Variants in FGGY observed in about 807,000 individuals in gnomAD.
FGGY encodes the protein FGGY carbohydrate kinase domain containing.
In FGGY, 72 loss-of-function variants were observed where a neutral mutation model predicts 71.3. The observed-to-expected ratio is 1.01, with a 90% CI of 0.84 to 1.23. The LOEUF is 1.23. FGGY is among the 50% of genes most tolerant of loss of function. The pLI, the probability that FGGY is intolerant of heterozygous loss-of-function variation, is 0.00. For missense variants in FGGY, 668 were observed against 682.3 expected (o/e 0.98, Z 0.23); for synonymous variants, 251 against 250.3 (o/e 1.00, Z -0.02).
At chr1:59,732,240 C>G (rs1451363938) in intron 14 of FGGY, among the ~76,000 whole-genome samples, 1 of 152,170 alleles carries the variant, frequency 6.6e-6, no homozygotes, top group Non-Finnish European at 1.5e-5. Context: ...TTTAAATTCT[C>G]TCCCCGCCAT....
chr1:59,640,277 C>G (rs1444323016), intron 11 of FGGY, among the ~76,000 whole-genome samples: 2 of 152,154 alleles, frequency 1.3e-5, no homozygotes, highest in African/African-American at 4.8e-5. Flanking sequence ...CAATTCTGAG[C>G]TAAACACTTC....
chr1:59,376,502 T>G (rs1430272475), intron 4 of FGGY, among the ~76,000 whole-genome samples: 1 of 152,206 alleles, frequency 6.6e-6, no homozygotes, highest in Non-Finnish European at 1.5e-5. Flanking sequence ...AGAATTCTGA[T>G]AAAGGCCAGT....
chr1:59,550,530 A>G (rs1290771502), intron 7 of FGGY, among the ~76,000 whole-genome samples: 4 of 152,070 alleles, frequency 2.6e-5, no homozygotes, highest in Non-Finnish European at 4.4e-5. Flanking sequence ...CAATATATAT[A>G]ATTTTAGGTA....
chr1:59,467,507 A>AC (rs2092705468), intron 6 of FGGY, among the ~76,000 whole-genome samples: 1 of 152,004 alleles, frequency 6.6e-6, no homozygotes, highest in South Asian at 2.1e-4. Flanking sequence ...TAAAAAAAAA[A>AC]CATACAAACC....
intron 6 of FGGY, among the ~76,000 whole-genome samples, chr1:59,482,962 T>C (rs1385287482): frequency 1.3e-5 from 2 of 152,144 alleles, no homozygotes; most frequent in African/African-American, 4.8e-5. Flanking sequence ...GGGGGGATTC[T>C]TAAAACACTG....
Position 59,369,456 on chromosome 1 carries a change from CCTCTGT to C in FGGY, c.466-9292_466-9287del, listed in dbSNP as rs2153265674. On this transcript the variant is annotated intron_variant, in intron 4 of 15. Transcript: ENST00000303721. ...ACCACAGCTCAAGGAGGCCTGCCTG[CCTCTGT>C]AGGCTCCACCTCTGGGGGCAGGGCA... is the stretch of plus-strand genomic sequence containing the variant. Among the ~76,000 whole-genome samples the C allele has an allele frequency of 2.0e-5, 3 of 152,334 alleles. No individual in the cohort carries two copies. The East Asian group carries it at 5.8e-4, about 29-fold the overall frequency.
chr1:59,350,810 T>C (rs2053128708), intron 4 of FGGY, among the ~76,000 whole-genome samples: 1 of 152,222 alleles, frequency 6.6e-6, no homozygotes, highest in Admixed American at 6.5e-5. Context: ...TTCCAGAAAC[T>C]GAAACATGGA....
intron 6 of FGGY, among the ~76,000 whole-genome samples, chr1:59,504,408 G>A (rs1490132008): frequency 6.6e-6 from 1 of 152,162 alleles, no homozygotes; most frequent in Non-Finnish European, 1.5e-5. Flanking sequence ...GGTGTCTGGT[G>A]CGTGGGGTTG....
intron 5 of FGGY, among the ~76,000 whole-genome samples, chr1:59,450,386 T>A (rs539056665): frequency 1.4e-5 from 2 of 145,178 alleles, no homozygotes; most frequent in Admixed American, 6.7e-5. Flanking sequence ...GAAATTTATG[T>A]CTGTTGTATT....
intron 11 of FGGY, among the ~76,000 whole-genome samples, chr1:59,640,052 A>G (rs2097004740): frequency 6.6e-6 from 1 of 152,210 alleles, no homozygotes; most frequent in South Asian, 2.1e-4. Context: ...TTACATGGGG[A>G]CATATGCCCA....
chr1:59,495,162 C>T (rs1453357125), intron 6 of FGGY, among the ~76,000 whole-genome samples: 2 of 152,012 alleles, frequency 1.3e-5, no homozygotes, highest in African/African-American at 4.8e-5. Flanking sequence ...CATGTTATTT[C>T]CCCATTTTTT....
At chr1:59,718,805 G>A (rs1196085269) in intron 14 of FGGY, among the ~76,000 whole-genome samples, 2 of 152,174 alleles carry the variant, frequency 1.3e-5, no homozygotes, top group Non-Finnish European at 2.9e-5. Flanking sequence ...CTTGCCAAGC[G>A]TGGTATTGCT....
chr1:59,759,462 A>G (rs2098323849), intron 15 of FGGY, among the ~76,000 whole-genome samples: 1 of 152,122 alleles, frequency 6.6e-6, no homozygotes, highest in South Asian at 2.1e-4. Context: ...CTTTTTGTGA[A>G]ATTAGAAAGA....
rs1392658025 is a variant in FGGY, at chr1:59,473,498, T to G, written c.670+16422T>G. On this transcript the variant is annotated intron_variant, in intron 6 of 15. Coordinates refer to ENST00000303721, the MANE Select transcript of FGGY (RefSeq NM_018291.5). The stretch of plus-strand genomic sequence containing the variant: ...ACCCAGCAATTCTGGACACAGTAGT[T>G]TACCAGAAAAGAGGGGAAATGGCTT... Among the ~76,000 whole-genome samples, 6 of 152,144 alleles carry G rather than the reference T, an allele frequency of 3.9e-5. No homozygotes were observed. In the East Asian group the frequency reaches 1.2e-3, roughly 29 times the overall value.
intron 14 of FGGY, among the ~76,000 whole-genome samples, chr1:59,701,462 G>C (rs2097708954): frequency 6.6e-6 from 1 of 152,142 alleles, no homozygotes. Flanking sequence ...AGTGCCATCT[G>C]TGTGCCAACC....
chr1:59,587,854 G>A (rs12760324), intron 8 of FGGY, among the ~76,000 whole-genome samples: 17,919 of 152,088 alleles, frequency 0.12, 1,212 homozygotes, highest in South Asian at 0.3. Flanking sequence ...GGAAAAAACA[G>A]AGCAGAAAAA....
intron 8 of FGGY, among the ~76,000 whole-genome samples, chr1:59,574,654 A>C (rs1241130493): frequency 6.6e-6 from 1 of 152,210 alleles, no homozygotes; most frequent in Admixed American, 6.5e-5. Flanking sequence ...TGTATAGTGA[A>C]GGAACAAAGA....
chr1:59,725,103 C>T (rs141534808), intron 14 of FGGY, among the ~76,000 whole-genome samples: 2 of 152,326 alleles, frequency 1.3e-5, no homozygotes, highest in East Asian at 3.9e-4. Flanking sequence ...TTTACAATTA[C>T]ATATGTGATC....
intron 8 of FGGY, among the ~76,000 whole-genome samples, chr1:59,557,519 A>T (rs148844383): frequency 6.6e-5 from 10 of 152,342 alleles, no homozygotes; most frequent in African/African-American, 2.4e-4. Context: ...CTGAGGTTGA[A>T]CATAAGACAT....
Sources: allele counts gnomAD v4.1 joint callset (sites outside exome capture counted in the v4.1 genomes callset), GRCh38; gene constraint gnomAD v4.1.1; transcripts MANE v1.5; gene names NCBI Gene and HGNC (gene_info 2026-07-23, HGNC 2026-07-21).